The following NEXMIF variants were observed in gnomAD, a reference collection of about 807,000 sequenced individuals.
NEXMIF encodes XLMR protein related to neurite extension.
A neutral mutation model predicts 62.1 loss-of-function variants in NEXMIF; 8 were observed. The observed-to-expected ratio is 0.13, with a 90% CI of 0.08 to 0.23. The LOEUF is 0.23. Ranked by LOEUF, NEXMIF falls within the 10% of genes least tolerant of loss-of-function variation. NEXMIF has a pLI of 1.00. For synonymous variants in NEXMIF, 404 were observed against 416.6 expected (o/e 0.97, Z 0.37); for missense variants, 976 against 1,113.3 (o/e 0.88, Z 1.75).
At chrX:74,792,073 T>C (rs777982874) in intron 1 of NEXMIF, among the ~76,000 whole-genome samples, 1,146 of 109,275 alleles carry the variant, frequency 0.01, 17 homozygotes, top group African/African-American at 0.035. Context: ...TGTTAGGGTG[T>C]CAATTTTGGA....
rs777821750 is a variant in NEXMIF, at chrX:74,767,614, G to A, written c.-47-21917C>T. On this transcript the variant is annotated intron_variant, in intron 1 of 3. Transcript: ENST00000055682. ...ATGGCTACCCATCCCTCCCCTGGGA[G>A]CTCCATCCCAGGGAGGCTCAGAACC... is the stretch of plus-strand genomic sequence containing the variant. Among the ~76,000 whole-genome samples the A allele has an allele frequency of 4.5e-5, 5 of 112,020 alleles. No individual in the cohort carries two copies. In the South Asian group the frequency reaches 1.9e-3, roughly 42 times the overall value.
At chrX:74,764,066 C>T (rs2147451429) in intron 1 of NEXMIF, among the ~76,000 whole-genome samples, 1 of 111,466 alleles carries the variant, frequency 9.0e-6, no homozygotes, top group African/African-American at 3.3e-5. Context: ...GGGAATGCTT[C>T]CCGTTTTTGC....
intron 1 of NEXMIF, among the ~76,000 whole-genome samples, chrX:74,844,380 C>T (rs2080484526): frequency 9.0e-6 from 1 of 111,633 alleles, no homozygotes; most frequent in Non-Finnish European, 1.9e-5. Flanking sequence ...TGTTTCCCAG[C>T]CAACCTGGGA....
rs3222701 is a variant in NEXMIF at position 74,903,880 on chromosome X, CGTGTGTGTGTGTGTGT to C, written c.-48+20987_-48+21002del. ...CAAAACTGTAGGCAACAATTCTAAT[CGTGTGTGTGTGTGTGT>C]GTGTGTGTGTGTGTGTGTGTGTGTG... On this transcript the variant is annotated intron_variant, in intron 1 of 3. Transcript: ENST00000055682. Among the ~76,000 whole-genome samples the C allele has an allele frequency of 2.9e-3, 274 of 94,207 alleles. 1 individual carries two copies. Among genetic ancestry groups the C allele is most frequent in the Non-Finnish European group, 5.0e-3 (233 of 46,659 alleles). The allele number at this position is 94,207 out of a possible 115,157, so 81.8% of individuals were successfully genotyped here.
At chrX:74,917,215 G>T (rs2080810330) in intron 1 of NEXMIF, among the ~76,000 whole-genome samples, 1 of 111,495 alleles carries the variant, frequency 9.0e-6, no homozygotes, top group South Asian at 3.8e-4. Flanking sequence ...TCTCATGATA[G>T]TGAGTGAGTT....
intron 1 of NEXMIF, among the ~76,000 whole-genome samples, chrX:74,831,417 C>T (rs963408296): frequency 1.1e-5 from 1 of 93,911 alleles, no homozygotes; most frequent in Non-Finnish European, 2.0e-5. Flanking sequence ...TTGTTCAATT[C>T]CCACCTATGA....
chrX:74,763,040 C>T (rs894129469), intron 1 of NEXMIF, among the ~76,000 whole-genome samples: 7 of 111,586 alleles, frequency 6.3e-5, no homozygotes, highest in Non-Finnish European at 1.3e-4. Context: ...AAGTCCTTGC[C>T]CATGCCTATG....
At chrX:74,763,941 T>A (rs1359456069) in intron 1 of NEXMIF, among the ~76,000 whole-genome samples, 1 of 111,719 alleles carries the variant, frequency 9.0e-6, no homozygotes, top group Non-Finnish European at 1.9e-5. Context: ...CCTCTTTTCC[T>A]AATTGAATAC....
chrX:74,791,643 C>T (rs2080283509), intron 1 of NEXMIF, among the ~76,000 whole-genome samples: 3 of 110,788 alleles, frequency 2.7e-5, no homozygotes, highest in Non-Finnish European at 3.8e-5. Context: ...TGATTATTGC[C>T]ACAATTTCAG....
chrX:74,901,770 C>A (rs188197803), intron 1 of NEXMIF, among the ~76,000 whole-genome samples: 21 of 111,506 alleles, frequency 1.9e-4, no homozygotes, highest in Non-Finnish European at 3.4e-4. Flanking sequence ...TCCCTAAGTA[C>A]ATTTTATCTA....
Position 74,854,265 on chromosome X carries a change from G to A in NEXMIF, c.-48+70618C>T, listed in dbSNP as rs147860576. On this transcript the variant is annotated intron_variant, in intron 1 of 3. Transcript: ENST00000055682. ...GATCTATCCCAGGGATGCAAGGATG[G>A]TTCAACATATACAAAACAATAAACA... is the stretch of plus-strand genomic sequence containing the variant. Among the ~76,000 whole-genome samples, 31 of 112,140 alleles carry A rather than the reference G, an allele frequency of 2.8e-4. No individual in the cohort carries two copies. In the East Asian group the frequency reaches 8.7e-3, roughly 31 times the overall value.
intron 1 of NEXMIF, among the ~76,000 whole-genome samples, chrX:74,767,561 C>A (rs1180624019): frequency 1.8e-5 from 2 of 111,394 alleles, no homozygotes; most frequent in African/African-American, 6.5e-5. Context: ...CAGTTGACTG[C>A]TCTAGTCAGT....
intron 1 of NEXMIF, among the ~76,000 whole-genome samples, chrX:74,887,280 A>C (rs1395727428): frequency 9.0e-6 from 1 of 111,212 alleles, no homozygotes; most frequent in Admixed American, 9.6e-5. Flanking sequence ...CAATGGCAGC[A>C]AAAGCCAAAA....
At chrX:74,800,523 C>T (rs963826983) in intron 1 of NEXMIF, among the ~76,000 whole-genome samples, 10 of 110,795 alleles carry the variant, frequency 9.0e-5, no homozygotes, top group African/African-American at 3.3e-4. Flanking sequence ...AATCACAATT[C>T]AGAACAGTTC....
At chrX:74,797,807 C>T (rs2080316888) in intron 1 of NEXMIF, among the ~76,000 whole-genome samples, 1 of 111,803 alleles carries the variant, frequency 8.9e-6, no homozygotes. Context: ...AAACCAGCTG[C>T]TTTACCAAGC....
intron 1 of NEXMIF, among the ~76,000 whole-genome samples, chrX:74,797,637 T>C (rs967714265): frequency 3.6e-5 from 4 of 111,823 alleles, no homozygotes; most frequent in African/African-American, 1.3e-4. Flanking sequence ...CTTAAGCAAG[T>C]TCCTTTTTTC....
At chrX:74,829,432 T>A (rs2080428915) in intron 1 of NEXMIF, among the ~76,000 whole-genome samples, 2 of 112,214 alleles carry the variant, frequency 1.8e-5, no homozygotes, top group Admixed American at 9.4e-5. Flanking sequence ...ATGTACCATA[T>A]TTTCTTTCTC....
intron 1 of NEXMIF, among the ~76,000 whole-genome samples, chrX:74,898,485 T>C (rs1234876690): frequency 9.0e-6 from 1 of 111,455 alleles, no homozygotes; most frequent in Non-Finnish European, 1.9e-5. Context: ...GTATCCTGGA[T>C]GGGATTTCAG....
intron 1 of NEXMIF, among the ~76,000 whole-genome samples, chrX:74,824,251 T>G (rs2080407203): frequency 8.9e-6 from 1 of 111,884 alleles, no homozygotes; most frequent in Admixed American, 9.5e-5. Context: ...CCTGAGACTT[T>G]GTGTCTTTTG....
Sources: allele counts gnomAD v4.1 joint callset (sites outside exome capture counted in the v4.1 genomes callset), GRCh38; gene constraint gnomAD v4.1.1; transcripts MANE v1.5; gene names NCBI Gene and HGNC (gene_info 2026-07-23, HGNC 2026-07-21).